Variants in NLGN1 observed in about 807,000 individuals in gnomAD.
The protein encoded by NLGN1 is neuroligin-1.
Under a neutral mutation model 65.5 loss-of-function variants are expected in NLGN1, and 12 were observed. That is an observed-to-expected ratio of 0.18 (90% CI 0.12 to 0.30). NLGN1 has a LOEUF of 0.30. Among genes scored for constraint, NLGN1 ranks in the 10% least tolerant of loss-of-function variants. The pLI is 1.00. For missense variants in NLGN1, 750 were observed against 1,007.1 expected (o/e 0.74, Z 3.46); for synonymous variants, 350 against 359.5 (o/e 0.97, Z 0.30).
At chr3:174,185,587 T>A (rs930315567) in intron 4 of NLGN1, among the ~76,000 whole-genome samples, 1 of 152,158 alleles carries the variant, frequency 6.6e-6, no homozygotes, top group Non-Finnish European at 1.5e-5. Flanking sequence ...AATCATAGTA[T>A]GTACTCAGTA....
chr3:174,023,403 G>GA (rs1217074371), intron 4 of NLGN1, among the ~76,000 whole-genome samples: 1 of 152,118 alleles, frequency 6.6e-6, no homozygotes, highest in African/African-American at 2.4e-5. Flanking sequence ...GTAGTCATAG[G>GA]AACTCCCTTT....
intron 2 of NLGN1, among the ~76,000 whole-genome samples, chr3:173,483,019 C>G (rs2148974778): frequency 6.6e-6 from 1 of 152,108 alleles, no homozygotes. Flanking sequence ...CAAATCACTT[C>G]ACTTCCTGTT....
chr3:174,186,506 C>T (rs771313625), intron 4 of NLGN1, among the ~76,000 whole-genome samples: 2 of 152,002 alleles, frequency 1.3e-5, no homozygotes, highest in African/African-American at 4.8e-5. Context: ...TGTAGATTAG[C>T]ATATCAGATT....
At chr3:174,190,983 C>T (rs1388271988) in intron 4 of NLGN1, among the ~76,000 whole-genome samples, 1 of 151,958 alleles carries the variant, frequency 6.6e-6, no homozygotes, top group Admixed American at 6.6e-5. Context: ...TCTCCTCTTT[C>T]TAATGGCAGT....
intron 2 of NLGN1, among the ~76,000 whole-genome samples, chr3:173,491,438 A>G (rs563474466): frequency 6.6e-6 from 1 of 151,784 alleles, no homozygotes; most frequent in African/African-American, 2.4e-5. Context: ...CATCTGAGGG[A>G]TGAAGCCCAC....
At chr3:174,014,428 G>A (rs531482876) in intron 4 of NLGN1, among the ~76,000 whole-genome samples, 18 of 152,172 alleles carry the variant, frequency 1.2e-4, no homozygotes, top group South Asian at 2.1e-4. Flanking sequence ...GTTCTTCACC[G>A]TCTTTCAACA....
chr3:174,114,448 A>G (rs1715914166), intron 4 of NLGN1, among the ~76,000 whole-genome samples: 1 of 152,142 alleles, frequency 6.6e-6, no homozygotes, highest in Non-Finnish European at 1.5e-5. Flanking sequence ...AACAATTTCA[A>G]AACTCCCGGA....
chr3:173,585,528 G>C (rs1226594937), intron 2 of NLGN1, among the ~76,000 whole-genome samples: 1 of 152,096 alleles, frequency 6.6e-6, no homozygotes, highest in African/African-American at 2.4e-5. Flanking sequence ...CTCTCAACCG[G>C]ACACTAAAGG....
intron 2 of NLGN1, among the ~76,000 whole-genome samples, chr3:173,541,638 T>G (rs1738881233): frequency 6.6e-6 from 1 of 152,164 alleles, no homozygotes; most frequent in South Asian, 2.1e-4. Context: ...AGTGGTAAAC[T>G]TTCTGATTCT....
At chr3:174,248,698 T>G (rs1744242971) in intron 4 of NLGN1, among the ~76,000 whole-genome samples, 1 of 152,114 alleles carries the variant, frequency 6.6e-6, no homozygotes, top group Non-Finnish European at 1.5e-5. Context: ...GAGGCAGAGG[T>G]TGCAGTGGGC....
chr3:174,240,685 A>G (rs1742625975), intron 4 of NLGN1, among the ~76,000 whole-genome samples: 1 of 152,238 alleles, frequency 6.6e-6, no homozygotes, highest in Non-Finnish European at 1.5e-5. Context: ...ACCCATGGAT[A>G]TTACACTTAA....
chr3:173,959,450 G>T (rs1712998538), intron 4 of NLGN1, among the ~76,000 whole-genome samples: 1 of 152,164 alleles, frequency 6.6e-6, no homozygotes, highest in Non-Finnish European at 1.5e-5. Flanking sequence ...GACTAACAAT[G>T]CTTATGTTGA....
At chr3:174,237,278 T>C (rs1210516170) in intron 4 of NLGN1, among the ~76,000 whole-genome samples, 1 of 152,188 alleles carries the variant, frequency 6.6e-6, no homozygotes, top group Non-Finnish European at 1.5e-5. Flanking sequence ...TATTTACAGC[T>C]TACACAGATT....
At chr3:174,260,592 G>T in intron 4 of NLGN1, among the ~76,000 whole-genome samples, 1 of 135,726 alleles carries the variant, frequency 7.4e-6, no homozygotes. Context: ...TTAGCCCTTT[G>T]TCAGATGAGT....
At chr3:173,822,354 TAATAA>T (rs1720491438) in intron 4 of NLGN1, among the ~76,000 whole-genome samples, 1 of 152,112 alleles carries the variant, frequency 6.6e-6, no homozygotes, top group African/African-American at 2.4e-5. Context: ...CAGGGGTGAT[TAATAA>T]GTAATAATGA....
At chr3:173,896,539 T>C (rs1407725670) in intron 4 of NLGN1, among the ~76,000 whole-genome samples, 1 of 152,230 alleles carries the variant, frequency 6.6e-6, no homozygotes, top group Non-Finnish European at 1.5e-5. Context: ...GCATTTTACT[T>C]TCATAGTGTT....
chr3:173,866,872 G>A (rs1448910837), intron 4 of NLGN1, among the ~76,000 whole-genome samples: 1 of 152,108 alleles, frequency 6.6e-6, no homozygotes, highest in South Asian at 2.1e-4. Flanking sequence ...GGTTGAAATT[G>A]TTCCACAAAG....
intron 3 of NLGN1, among the ~76,000 whole-genome samples, chr3:173,617,048 C>A (rs1753220846): frequency 1.3e-5 from 2 of 152,100 alleles, no homozygotes; most frequent in Admixed American, 1.3e-4. Flanking sequence ...GAATAGTCAA[C>A]CTCCATCCTA....
At chr3:174,083,834 C>T (rs991229103) in intron 4 of NLGN1, among the ~76,000 whole-genome samples, 18 of 151,996 alleles carry the variant, frequency 1.2e-4, no homozygotes, top group Non-Finnish European at 1.9e-4. Flanking sequence ...GAAACAGTCT[C>T]TCTGACAAGA....
Sources: gnomAD v4.1 joint callset for allele counts (sites outside exome capture counted in the v4.1 genomes callset) on GRCh38, gnomAD v4.1.1 for gene constraint, MANE v1.5 for transcripts, NCBI Gene and HGNC (gene_info 2026-07-23, HGNC 2026-07-21) for gene names.